SP1: variants seen among roughly 807,000 people sequenced by gnomAD.
The protein encoded by SP1 is Sp1 transcription factor, also known as transcription factor Sp1.
A neutral mutation model predicts 66.3 loss-of-function variants in SP1; 6 were observed. The ratio of observed to expected loss-of-function variants is 0.09; its 90% confidence interval spans 0.05 to 0.18. The LOEUF (loss-of-function observed/expected upper bound fraction) is 0.18. SP1 is among the 10% of genes least tolerant of loss of function. The pLI, the probability that SP1 is intolerant of heterozygous loss-of-function variation, is 1.00. For missense variants in SP1, 848 were observed against 964.5 expected (o/e 0.88, Z 1.60); for synonymous variants, 417 against 360.8 (o/e 1.16, Z -1.77).
rs1938048159 is a variant in SP1 at position 53,380,204 on chromosome 12, C to T, written c.-88C>T. 1.1e-6 allele frequency: 1 copy of T among 946,778 alleles called. No homozygotes were observed. The highest frequency in any genetic ancestry group is 1.6e-5 in the African/African-American group (1 of 62,026). 58.6% of individuals were successfully genotyped at this position (946,778 alleles called of 1,614,324 possible). ...CCCCCCTCCCTGTCCGGTCCGGGTT[C>T]GCTTGCCTCGTCAGCGTCCGCGTTT... On this transcript the variant is annotated 5_prime_UTR_variant, in exon 1 of 6. Transcript: ENST00000327443.
At chr12:53,396,584 A>G (rs1263838190) in intron 3 of SP1, among the ~76,000 whole-genome samples, 2 of 152,288 alleles carry the variant, frequency 1.3e-5, no homozygotes, top group South Asian at 4.1e-4. Flanking sequence ...AAAACAAAAC[A>G]AAACAAAAAA....
rs1332038666 is a variant in SP1 at position 53,411,778 on chromosome 12, A to G, written c.*538A>G. On this transcript the variant is annotated 3_prime_UTR_variant, in exon 6 of 6. Transcript: ENST00000327443. Reference sequence around the variant, plus strand: ...TTTTTTTATATTGCCTTATTTCCCTATGGCTGAGCCTTGTTGTGACACATC... The same window carrying G: ...TTTTTTTATATTGCCTTATTTCCCTGTGGCTGAGCCTTGTTGTGACACATC... 6.6e-6 allele frequency: 1 copy of G among 152,044 alleles called. No homozygotes were observed. Among genetic ancestry groups the G allele is most frequent in the Non-Finnish European group, 1.5e-5 (1 of 67,940 alleles). The allele number at this position is 152,044 out of a possible 1,614,324, so 9.4% of individuals were successfully genotyped here.
At chr12:53,382,035 T>C in intron 2 of SP1, 75 bp from the exon 3 acceptor site, 4 of 1,414,832 alleles carry the variant, frequency 2.8e-6, no homozygotes, top group East Asian at 2.3e-5. Flanking sequence ...CGTTGCTGTT[T>C]ATTTGTTGTA....
chr12:53,396,568 A>AAAAAC (rs896213560), intron 3 of SP1, among the ~76,000 whole-genome samples: 8 of 152,298 alleles, frequency 5.3e-5, no homozygotes, highest in Non-Finnish European at 7.4e-5. Flanking sequence ...ACTCCATCTC[A>AAAAAC]AAAACAAAAC....
At position 53,411,096 on chromosome 12, in the gene SP1, C is replaced by T. The variant is rs1476556460; in HGVS notation, c.2214C>T (p.Ala738=). 6.8e-6 allele frequency: 11 copies of T among 1,614,068 alleles called. No individual in the cohort carries two copies. Among genetic ancestry groups the T allele is most frequent in the Non-Finnish European group, 9.3e-6 (11 of 1,180,036 alleles). Residue 738 remains alanine (A), a synonymous_variant, in exon 6 of 6, where the codon GCC becomes GCT. Coordinates refer to ENST00000327443, the MANE Select transcript of SP1 (RefSeq NM_138473.3). ...SGAGSEGSGT[A]TPSALITTNM... is the part of the protein sequence containing the mutation. ...CAGGTTCAGAAGGCAGTGGCACTGC[C>T]ACTCCTTCAGCCCTTATTACCACCA... is the stretch of plus-strand genomic sequence containing the variant.
rs955578005 is a variant in SP1, at chr12:53,415,998, C to G, written c.*4758C>G. 6.6e-6 allele frequency: 1 copy of G among 152,662 alleles called. No homozygotes were observed. The highest frequency in any genetic ancestry group is 2.4e-5 in the African/African-American group (1 of 41,444). 9.5% of individuals were successfully genotyped at this position (152,662 alleles called of 1,614,324 possible). ...GGCAGCTGCCCCAGGGCCTGCTTCC[C>G]CTTCCTAAGTCTGTCATCCTCTGGA... On this transcript the variant is annotated 3_prime_UTR_variant, in exon 6 of 6. Coordinates refer to ENST00000327443, the MANE Select transcript of SP1 (RefSeq NM_138473.3).
rs1938918594 is a variant in SP1, at chr12:53,412,651, A to G, written c.*1411A>G. 1.3e-5 allele frequency: 2 copies of G among 152,754 alleles called. No individual in the cohort carries two copies. The highest frequency in any genetic ancestry group is 1.9e-4 in the East Asian group (1 of 5,184). 9.5% of individuals were successfully genotyped at this position (152,754 alleles called of 1,614,324 possible). A position where few individuals can be genotyped will look rare whatever the true frequency, so the allele number is the denominator to read the frequency against. ...TGGTTCCTAAGGGAAAGGGAAGCAC[A>G]TGATCATGGGAATGATAGCCCAGAA... On this transcript the variant is annotated 3_prime_UTR_variant, in exon 6 of 6. Coordinates refer to ENST00000327443, the MANE Select transcript of SP1 (RefSeq NM_138473.3).
chr12:53,394,882 A>G (rs1168013487), intron 3 of SP1, among the ~76,000 whole-genome samples: 1 of 151,688 alleles, frequency 6.6e-6, no homozygotes, highest in African/African-American at 2.4e-5. Flanking sequence ...CCAAAGTGCC[A>G]GGATTACAGA....
rs1267812341 is a variant in SP1 at position 53,380,745 on chromosome 12, C to G, written c.7+447C>G. 77 of 683,468 alleles carry G rather than the reference C, an allele frequency of 1.1e-4. No homozygotes were observed. The African/African-American group carries it at 1.5e-3, about 13-fold the overall frequency. 42.3% of individuals were successfully genotyped at this position (683,468 alleles called of 1,614,324 possible). ...TTCCGTAGATTTCCCTTCCCCCCCG[C>G]CCCCCACCGTCCCGCCCTTTCCACG... On this transcript the variant is annotated intron_variant, in intron 1 of 5. Coordinates refer to ENST00000327443, the MANE Select transcript of SP1 (RefSeq NM_138473.3).
intron 1 of SP1, chr12:53,380,574 C>T (rs1170159224): frequency 6.0e-5 from 50 of 832,284 alleles, no homozygotes; most frequent in Admixed American, 1.1e-4. Flanking sequence ...CCTTACCCCC[C>T]ACTACTCGGC....
chr12:53,383,038 G>A lies in SP1; in HGVS notation c.1091G>A (p.Gly364Glu). The change falls in exon 3 of 6, where the codon GGG (glycine) becomes GAG (glutamate). Residue 364 changes from glycine to glutamate, a missense_variant. By Grantham distance (98) the Gly-to-Glu change is moderately conservative (BLOSUM62 -2). Coordinates refer to ENST00000327443, the MANE Select transcript of SP1 (RefSeq NM_138473.3). ...QTPQRVSGLQGSDALNIQQNQ... is the reference protein window; with the variant it reads ...QTPQRVSGLQESDALNIQQNQ... ...CCCCAGAGGGTCAGTGGGCTACAGG[G>A]GTCTGATGCTCTGAACATCCAGCAA... The A allele has an allele frequency of 6.2e-7, 1 of 1,614,150 alleles. No homozygotes were observed. Among genetic ancestry groups the A allele is most frequent in the Non-Finnish European group, 8.5e-7 (1 of 1,180,024 alleles).
chr12:53,409,621 A>G (rs554269315), intron 5 of SP1, 60 bp downstream of exon 5: 13 of 1,333,954 alleles, frequency 9.7e-6, no homozygotes, highest in Middle Eastern at 1.8e-4. Context: ...AACACAAAAT[A>G]TACCTACAAA....
At position 53,383,303 on chromosome 12, in the gene SP1, G is replaced by T. The variant is rs776642191; in HGVS notation, c.1356G>T (p.Arg452=). 3.8e-5 allele frequency: 61 copies of T among 1,614,048 alleles called. No individual in the cohort carries two copies. Among genetic ancestry groups the T allele is most frequent in the Non-Finnish European group, 5.2e-5 (61 of 1,180,044 alleles). Residue 452 remains arginine (R), a synonymous_variant, in exon 3 of 6, where the codon CGG becomes CGT. Transcript: ENST00000327443. Reference sequence around the variant, plus strand: ...CAAACTCTGGTCCCATCATCATCCGGACACCAACAGTGGGGCCCAATGGAC... The same window carrying T: ...CAAACTCTGGTCCCATCATCATCCGTACACCAACAGTGGGGCCCAATGGAC... ...AVPNSGPIII[R]TPTVGPNGQV... is the part of the protein sequence containing the mutation.
chr12:53,382,615 A>C lies in SP1; in HGVS notation c.668A>C (p.Asn223Thr). Residue 223 changes from asparagine (N) to threonine (T), a missense_variant, in exon 3 of 6, where the codon AAC (asparagine) becomes ACC (threonine). Physicochemically the swap from Asn to Thr is moderately conservative, Grantham distance 65. Around this residue, in one of 7 missense-constraint regions of SP1, gnomAD observed 606 missense variants for 589.9 expected, o/e 1.03. Transcript: ENST00000327443. ...QIITNRGSGG[N>T]IIAAMPNLLQ... ...ATCACAAATCGAGGAAGTGGAGGCA[A>C]CATCATTGCTGCTATGCCAAACCTA... is the stretch of plus-strand genomic sequence containing the variant. 1 of 1,614,164 alleles carries C rather than the reference A, an allele frequency of 6.2e-7. No individual in the cohort carries two copies. Among genetic ancestry groups the C allele is most frequent in the East Asian group, 2.2e-5 (1 of 44,878 alleles).
intron 3 of SP1, among the ~76,000 whole-genome samples, chr12:53,387,358 G>A (rs901616632): frequency 6.6e-6 from 1 of 152,208 alleles, no homozygotes; most frequent in Admixed American, 6.5e-5. Context: ...GTAGCAAATA[G>A]GCAACCATAT....
chr12:53,402,988 A>T (rs918690778), intron 3 of SP1, among the ~76,000 whole-genome samples: 7 of 151,366 alleles, frequency 4.6e-5, no homozygotes, highest in African/African-American at 1.2e-4. Flanking sequence ...AAAAAAATGC[A>T]GAAATTAGCC....
Position 53,382,311 on chromosome 12 carries a change from G to A in SP1, c.364G>A (p.Glu122Lys). The A allele has an allele frequency of 6.2e-7, 1 of 1,614,152 alleles. No individual in the cohort carries two copies. Among genetic ancestry groups the A allele is most frequent in the Non-Finnish European group, 8.5e-7 (1 of 1,180,016 alleles). ...SSSGATPTSK[E>K]QSGSSTNGSN... is the part of the protein sequence containing the mutation. ...CTCTGGGGCTACCCCTACCTCAAAGGAACAGAGTGGCAGCAGTACCAATGG... is the reference window on the plus strand; with the variant it reads ...CTCTGGGGCTACCCCTACCTCAAAGAAACAGAGTGGCAGCAGTACCAATGG... The change falls in exon 3 of 6, where the codon GAA becomes AAA. Residue 122 changes from glutamate to lysine, a missense_variant. By Grantham distance (56) the Glu-to-Lys change is moderately conservative. Coordinates refer to ENST00000327443, the MANE Select transcript of SP1 (RefSeq NM_138473.3).
In SP1 at chr12:53,383,545, ACCT is replaced by A. The variant is rs1166486350; in HGVS notation, c.1600_1602del (p.Leu534del). The A allele has an allele frequency of 6.2e-7, 1 of 1,613,960 alleles. No individual in the cohort carries two copies. The highest frequency in any genetic ancestry group is 1.1e-5 in the South Asian group (1 of 91,074). Reference sequence around the variant, plus strand: ...TCCATGCCAGGCCTCCAGACCATTAACCTCAGTGCATTGGGTACTTCAGGAATC... The same window carrying A: ...TCCATGCCAGGCCTCCAGACCATTAACAGTGCATTGGGTACTTCAGGAATC... On this transcript the variant is annotated inframe_deletion, in exon 3 of 6. Transcript: ENST00000327443.
rs1938975144 is a variant in SP1 at position 53,415,388 on chromosome 12, T to A, written c.*4148T>A. ...ACTCCCTCTTCCAAATTTGGCTCACTTGCCTTAGATCCAAGGCAGGGAAAG... is the reference window on the plus strand; with the variant it reads ...ACTCCCTCTTCCAAATTTGGCTCACATGCCTTAGATCCAAGGCAGGGAAAG... On this transcript the variant is annotated 3_prime_UTR_variant, in exon 6 of 6. Coordinates refer to ENST00000327443, the MANE Select transcript of SP1 (RefSeq NM_138473.3). 6.6e-6 allele frequency: 1 copy of A among 152,406 alleles called. No individual in the cohort carries two copies. The highest frequency in any genetic ancestry group is 2.4e-5 in the African/African-American group (1 of 41,396). 9.4% of individuals were successfully genotyped at this position (152,406 alleles called of 1,614,324 possible).
Sources: gnomAD v4.1 joint callset for allele counts (sites outside exome capture counted in the v4.1 genomes callset) on GRCh38, gnomAD v4.1.1 for gene constraint, gnomAD v4.1.1 regional missense constraint, MANE v1.5 for transcripts, NCBI Gene and HGNC (gene_info 2026-07-23, HGNC 2026-07-21) for gene names.